The following TYW1 variants were observed in gnomAD, a reference collection of about 807,000 sequenced individuals.
TYW1 encodes tRNA-yW synthesizing protein 1 homolog.
TYW1 carries 46 observed loss-of-function variants against 96.2 expected under a neutral mutation model. That is an observed-to-expected ratio of 0.48 (90% CI 0.38 to 0.61). The LOEUF is 0.61. Among genes scored for constraint, TYW1 ranks in the 20% least tolerant of loss-of-function variants. The probability of loss-of-function intolerance (pLI) is 0.00; values close to 1 mark genes in which losing one functional copy is unlikely to be tolerated. For missense variants in TYW1, 684 were observed against 909.6 expected (o/e 0.75, Z 3.19); for synonymous variants, 274 against 323.0 (o/e 0.85, Z 1.63).
chr7:67,199,357 C>T (rs11764762), intron 15 of TYW1, among the ~76,000 whole-genome samples: 14,908 of 152,174 alleles, frequency 0.098, 807 homozygotes, highest in Middle Eastern at 0.15. Flanking sequence ...ACATCTCCCT[C>T]GTTAGTGGTG....
chr7:67,050,031 T>C lies in TYW1; in HGVS notation c.1067T>C (p.Ile356Thr). 6.2e-7 allele frequency: 1 copy of C among 1,614,128 alleles called. No individual in the cohort carries two copies. The highest frequency in any genetic ancestry group is 8.5e-7 in the Non-Finnish European group (1 of 1,180,020). ...RNEDGERRAM[I>T]TPALREALTK... ...GAAGATGGTGAAAGAAGAGCTATGA[T>C]AACTCCTGCTCTCCGAGAAGCCCTT... The change falls in exon 8 of 16, where the codon ATA (isoleucine) becomes ACA (threonine). Residue 356 changes from isoleucine (I) to threonine (T), a missense_variant. Physicochemically the swap from Ile to Thr is moderately conservative, Grantham distance 89. Transcript: ENST00000359626.
intron 12 of TYW1, among the ~76,000 whole-genome samples, chr7:67,113,228 CGT>C (rs1206509158): frequency 3.3e-5 from 5 of 151,618 alleles, no homozygotes; most frequent in Non-Finnish European, 5.9e-5. Context: ...CATGGCGCTG[CGT>C]GGTGGGACTC....
At chr7:67,042,735 G>A (rs1795070159) in intron 7 of TYW1, among the ~76,000 whole-genome samples, 2 of 152,112 alleles carry the variant, frequency 1.3e-5, no homozygotes, top group Admixed American at 1.3e-4. Context: ...AGTGGCTTAT[G>A]CCTGTAATCC....
At chr7:67,020,573 C>T (rs1794217138) in intron 6 of TYW1, among the ~76,000 whole-genome samples, 1 of 152,260 alleles carries the variant, frequency 6.6e-6, no homozygotes, top group Non-Finnish European at 1.5e-5. Context: ...ACCATGTTAA[C>T]CTCCTGTTTA....
chr7:67,130,500 C>T (rs1019746983), intron 13 of TYW1, among the ~76,000 whole-genome samples: 3 of 151,480 alleles, frequency 2.0e-5, no homozygotes, highest in Middle Eastern at 3.4e-3. Context: ...GGTGAAACCC[C>T]GTCTCTACTA....
chr7:67,087,377 G>A (rs1213516087), intron 11 of TYW1, among the ~76,000 whole-genome samples: 2 of 152,102 alleles, frequency 1.3e-5, no homozygotes, highest in South Asian at 2.1e-4. Context: ...GAAAACAAAA[G>A]AGTTTTAAAA....
chr7:67,140,623 T>C (rs111997061), intron 13 of TYW1, among the ~76,000 whole-genome samples: 2,820 of 152,194 alleles, frequency 0.019, 80 homozygotes, highest in African/African-American at 0.064. Context: ...AAAAAATTAG[T>C]GAAGAAGTAA....
chr7:67,103,254 T>C (rs1331052310), intron 12 of TYW1, among the ~76,000 whole-genome samples: 1 of 152,232 alleles, frequency 6.6e-6, no homozygotes, highest in African/African-American at 2.4e-5. Context: ...GGACATAATC[T>C]TTCAGTTTAC....
chr7:67,114,384 T>C lies in TYW1; in HGVS notation c.1563-3099T>C, dbSNP rs533208378. The C allele has an allele frequency of 6.5e-5, 10 of 153,640 alleles. No individual in the cohort carries two copies. In the East Asian group the frequency reaches 1.9e-3, roughly 30 times the overall value. 9.5% of individuals were successfully genotyped at this position (153,640 alleles called of 1,614,324 possible). ...CCTTGGAAGGTAGAAAGAGGCCTGATAATCTCTACAGAAAGGCAACATGGG... is the reference window on the plus strand; with the variant it reads ...CCTTGGAAGGTAGAAAGAGGCCTGACAATCTCTACAGAAAGGCAACATGGG... On this transcript the variant is annotated intron_variant, in intron 12 of 15. Coordinates refer to ENST00000359626, the MANE Select transcript of TYW1 (RefSeq NM_018264.4).
chr7:67,098,493 C>G, intron 11 of TYW1, 48 bp from the exon 12 acceptor site: 1 of 1,490,328 alleles, frequency 6.7e-7, no homozygotes, highest in Non-Finnish European at 9.0e-7. Flanking sequence ...AAGTGACATC[C>G]TCTATCTGTG....
At chr7:67,192,201 A>G (rs1584677748) in intron 14 of TYW1, among the ~76,000 whole-genome samples, 2 of 151,976 alleles carry the variant, frequency 1.3e-5, no homozygotes, top group Admixed American at 1.3e-4. Flanking sequence ...TAGCCTCCTC[A>G]AAGGGTTTTG....
intron 7 of TYW1, among the ~76,000 whole-genome samples, chr7:67,028,622 A>G (rs1794538960): frequency 6.6e-6 from 1 of 152,244 alleles, no homozygotes; most frequent in Admixed American, 6.5e-5. Context: ...CCAAAGCTGG[A>G]TGACATACTC....
At position 67,018,285 on chromosome 7, in the gene TYW1, T is replaced by C. The variant is rs1176205681; in HGVS notation, c.861+142T>C. On this transcript the variant is annotated intron_variant, in intron 6 of 15. Transcript: ENST00000359626. ...TGAGTGCAGTGGCTCGCACTTGTAA[T>C]CCCCACACTTTGGGAGACCAAGGTG... 39 of 1,171,108 alleles carry C rather than the reference T, an allele frequency of 3.3e-5. No homozygotes were observed. The South Asian group carries it at 5.3e-4, about 16-fold the overall frequency. 72.5% of individuals were successfully genotyped at this position (1,171,108 alleles called of 1,614,324 possible). A position where few individuals can be genotyped will look rare whatever the true frequency, so the allele number is the denominator to read the frequency against.
intron 7 of TYW1, among the ~76,000 whole-genome samples, chr7:67,045,694 T>C (rs1196210449): frequency 6.6e-6 from 1 of 152,242 alleles, no homozygotes; most frequent in African/African-American, 2.4e-5. Flanking sequence ...CCTGGTTGCA[T>C]GTCAGGCCAC....
chr7:67,166,308 T>TTATATATAATATTATATA (rs1799320302), intron 13 of TYW1, among the ~76,000 whole-genome samples: 1 of 134,168 alleles, frequency 7.5e-6, no homozygotes, highest in African/African-American at 2.9e-5. Context: ...CCAGTACTTT[T>TTATATATAATATTATATA]TATATATAAT....
intron 13 of TYW1, among the ~76,000 whole-genome samples, chr7:67,130,765 A>G (rs58440009): frequency 0.28 from 42,093 of 152,104 alleles, 6,664 homozygotes; most frequent in African/African-American, 0.44. Flanking sequence ...TTAACAAATA[A>G]CCTCACAAGT....
At chr7:67,036,638 G>A (rs550407619) in intron 7 of TYW1, among the ~76,000 whole-genome samples, 1 of 152,336 alleles carries the variant, frequency 6.6e-6, no homozygotes, top group Non-Finnish European at 1.5e-5. Context: ...CTCACTGGAG[G>A]CTGGCTCCCT....
intron 13 of TYW1, among the ~76,000 whole-genome samples, chr7:67,122,354 CTCTA>C (rs1434266644): frequency 6.6e-6 from 1 of 152,068 alleles, no homozygotes; most frequent in East Asian, 1.9e-4. Flanking sequence ...TGAGATAGCC[CTCTA>C]TCTAATATTT....
chr7:67,145,401 G>A (rs11982633), intron 13 of TYW1, among the ~76,000 whole-genome samples: 2,031 of 152,088 alleles, frequency 0.013, 45 homozygotes, highest in African/African-American at 0.046. Flanking sequence ...CACCCGCCTC[G>A]GCCTCCCAAA....
Sources: gnomAD v4.1 joint callset for allele counts (sites outside exome capture counted in the v4.1 genomes callset) on GRCh38, gnomAD v4.1.1 for gene constraint, MANE v1.5 for transcripts, NCBI Gene and HGNC (gene_info 2026-07-23, HGNC 2026-07-21) for gene names.